TRPM8: variants seen among roughly 807,000 people sequenced by gnomAD.
TRPM8 encodes transient receptor potential cation channel subfamily M member 8.
TRPM8 carries 110 observed loss-of-function variants against 133.7 expected under a neutral mutation model. That is an observed-to-expected ratio of 0.82 (90% CI 0.70 to 0.96). The LOEUF (loss-of-function observed/expected upper bound fraction) is 0.96, where lower values mean the gene tolerates loss of function less well. TRPM8 is among the 40% of genes least tolerant of loss of function. The probability of loss-of-function intolerance (pLI) is 0.00; values close to 1 mark genes in which losing one functional copy is unlikely to be tolerated. For missense variants in TRPM8, 1,291 were observed against 1,379.5 expected, an observed-to-expected ratio of 0.94 and a Z score of 1.02; for synonymous variants, 535 against 532.3, an observed-to-expected ratio of 1.01 and a Z score of -0.07.
intron 1 of TRPM8, among the ~76,000 whole-genome samples, chr2:233,924,535 G>A (rs997620671): frequency 1.3e-5 from 2 of 152,148 alleles, no homozygotes; most frequent in African/African-American, 4.8e-5. Flanking sequence ...TACTGGGATA[G>A]CTGCTATCTA....
At chr2:233,975,733 T>G (rs1691854861) in intron 17 of TRPM8, among the ~76,000 whole-genome samples, 1 of 152,094 alleles carries the variant, frequency 6.6e-6, no homozygotes, top group South Asian at 2.1e-4. Context: ...AGTACAAAAA[T>G]TAGCCGGGCA....
intron 1 of TRPM8, among the ~76,000 whole-genome samples, chr2:233,919,203 T>C (rs1691360893): frequency 6.6e-6 from 1 of 152,172 alleles, no homozygotes; most frequent in Non-Finnish European, 1.5e-5. Flanking sequence ...CACTAATATT[T>C]TTTTTGTATT....
At chr2:233,991,852 C>G (rs924635244) in intron 21 of TRPM8, among the ~76,000 whole-genome samples, 4 of 152,118 alleles carry the variant, frequency 2.6e-5, no homozygotes, top group African/African-American at 9.7e-5. Flanking sequence ...ACAGAGGAGC[C>G]TAAGGCTTAT....
Position 234,013,971 on chromosome 2 carries a change from T to C in TRPM8, c.3265-591T>C, listed in dbSNP as rs142187412. ...AATTAGAAACCAAACTGTACAGAAA[T>C]TGCTTTTAGCAAATGTAGTAATATG... On this transcript the variant is annotated intron_variant, in intron 24 of 25. Coordinates refer to ENST00000324695, the MANE Select transcript of TRPM8 (RefSeq NM_024080.5). 4.8e-3 allele frequency among the ~76,000 whole-genome samples: 727 copies of C among 152,288 alleles called. 2 individuals are homozygous for C. Among genetic ancestry groups the C allele is most frequent in the Middle Eastern group, 0.037 (11 of 294 alleles).
chr2:234,011,656 T>A (rs1692839813), intron 24 of TRPM8, among the ~76,000 whole-genome samples: 1 of 152,124 alleles, frequency 6.6e-6, no homozygotes, highest in Non-Finnish European at 1.5e-5. Flanking sequence ...CAGTGGTTCA[T>A]GCCTGTAATC....
At chr2:233,978,884 G>A (rs17864757) in intron 17 of TRPM8, among the ~76,000 whole-genome samples, 16,652 of 152,102 alleles carry the variant, frequency 0.11, 1,007 homozygotes, top group African/African-American at 0.15. Flanking sequence ...GTTGCTATTC[G>A]AATTTATAAA....
chr2:234,005,015 T>A (rs1692658295), intron 22 of TRPM8, among the ~76,000 whole-genome samples: 2 of 152,238 alleles, frequency 1.3e-5, no homozygotes, highest in Admixed American at 1.3e-4. Context: ...ATGTAGATTG[T>A]TTTGATGCTT....
At chr2:233,960,669 T>C in intron 11 of TRPM8, 107 bp from the exon 12 acceptor site, 1 of 831,028 alleles carries the variant, frequency 1.2e-6, no homozygotes, top group Admixed American at 2.4e-5. Flanking sequence ...AAGATATTAT[T>C]ACTCTGTGGC....
chr2:233,969,395 G>A (rs1691651517), intron 15 of TRPM8, among the ~76,000 whole-genome samples: 2 of 152,136 alleles, frequency 1.3e-5, no homozygotes, highest in South Asian at 2.1e-4. Flanking sequence ...GCTGAGGCAG[G>A]AGAATCGCTT....
chr2:233,922,766 T>G (rs989209755), intron 1 of TRPM8, among the ~76,000 whole-genome samples: 2 of 152,248 alleles, frequency 1.3e-5, no homozygotes, highest in Non-Finnish European at 2.9e-5. Flanking sequence ...CACTGTTCCA[T>G]TTTCTTCTAG....
chr2:233,997,410 C>T (rs1260326787), intron 22 of TRPM8, among the ~76,000 whole-genome samples: 1 of 152,196 alleles, frequency 6.6e-6, no homozygotes, highest in East Asian at 1.9e-4. Context: ...CGGCAGTGGG[C>T]TGTTCCCTCT....
chr2:233,936,056 A>T (rs1690726421), intron 3 of TRPM8, among the ~76,000 whole-genome samples: 1 of 152,138 alleles, frequency 6.6e-6, no homozygotes, highest in South Asian at 2.1e-4. Context: ...CAGGTGCCAC[A>T]TTCCAGGCCC....
At chr2:233,934,580 C>T (rs67646620) in intron 3 of TRPM8, among the ~76,000 whole-genome samples, 12,392 of 152,220 alleles carry the variant, frequency 0.081, 626 homozygotes, top group Middle Eastern at 0.15. Flanking sequence ...CCATGTATCT[C>T]CAGCAGCATC....
At chr2:233,983,817 T>A (rs2125293805) in intron 20 of TRPM8, among the ~76,000 whole-genome samples, 1 of 152,332 alleles carries the variant, frequency 6.6e-6, no homozygotes, top group East Asian at 1.9e-4. Context: ...TTTCCTACCC[T>A]ACCACGATAA....
At chr2:233,968,764 G>C (rs1369878810) in intron 15 of TRPM8, among the ~76,000 whole-genome samples, 1 of 151,912 alleles carries the variant, frequency 6.6e-6, no homozygotes, top group Non-Finnish European at 1.5e-5. Flanking sequence ...TGATGTGGTC[G>C]AGTCTATGCT....
chr2:233,976,192 G>A lies in TRPM8; in HGVS notation c.2356-3996G>A, dbSNP rs992270180. Among the ~76,000 whole-genome samples, 8 of 152,204 alleles carry A rather than the reference G, an allele frequency of 5.3e-5. No individual in the cohort carries two copies. The South Asian group carries it at 6.2e-4, about 12-fold the overall frequency. On this transcript the variant is annotated intron_variant, in intron 17 of 25. Coordinates refer to ENST00000324695, the MANE Select transcript of TRPM8 (RefSeq NM_024080.5). Reference sequence around the variant, plus strand: ...TTCCTGATGATTTCCAGGAGCTTTCGAGGAGAGGAGATGAGCATCGGCAAG... The same window carrying A: ...TTCCTGATGATTTCCAGGAGCTTTCAAGGAGAGGAGATGAGCATCGGCAAG...
Position 233,961,459 on chromosome 2 carries a change from C to T in TRPM8, c.1653+393C>T, listed in dbSNP as rs143623310. On this transcript the variant is annotated intron_variant, in intron 12 of 25. Transcript: ENST00000324695. ...TAGCTGGGACTACAGGCACCTGCCA[C>T]CACGTGTGGCTAATTTTTGTATTTT... Among the ~76,000 whole-genome samples, 349 of 152,210 alleles carry T rather than the reference C, an allele frequency of 2.3e-3. 3 individuals carry two copies. The highest frequency in any genetic ancestry group is 0.02 in the South Asian group (98 of 4,814).
chr2:233,945,728 A>C, intron 6 of TRPM8, 128 bp from the exon 7 acceptor site: 1 of 735,222 alleles, frequency 1.4e-6, no homozygotes, highest in South Asian at 2.0e-5. Flanking sequence ...CTCTGGATTT[A>C]GGAATCTGGG....
In TRPM8 at chr2:233,980,075, C is replaced by G. The variant is rs546132774; in HGVS notation, c.2356-113C>G. 1.5e-4 allele frequency: 115 copies of G among 748,626 alleles called. No individual in the cohort carries two copies. The South Asian group carries it at 1.9e-3, about 12-fold the overall frequency. 46.4% of individuals were successfully genotyped at this position (748,626 alleles called of 1,614,324 possible). ...CTTGGCATATGAAAGAATAAACAAACACGTCATTGGCTCAAAAAGGACCTG... is the reference window on the plus strand; with the variant it reads ...CTTGGCATATGAAAGAATAAACAAAGACGTCATTGGCTCAAAAAGGACCTG... On this transcript the variant is annotated intron_variant, in intron 17 of 25. Coordinates refer to ENST00000324695, the MANE Select transcript of TRPM8 (RefSeq NM_024080.5).
Sources: allele counts gnomAD v4.1 joint callset (sites outside exome capture counted in the v4.1 genomes callset), GRCh38; gene constraint gnomAD v4.1.1; transcripts MANE v1.5; gene names NCBI Gene and HGNC (gene_info 2026-07-23, HGNC 2026-07-21).